Variants in FAM118A observed in about 807,000 individuals in gnomAD.
FAM118A encodes SIR2 antiphage like 2.
In FAM118A, 25 loss-of-function variants were observed where a neutral mutation model predicts 38.2. That is an observed-to-expected ratio of 0.65 (90% CI 0.48 to 0.91). FAM118A has a LOEUF of 0.91. Ranked by LOEUF, FAM118A falls within the 40% of genes least tolerant of loss-of-function variation. FAM118A has a pLI of 0.00. For missense variants in FAM118A, 425 were observed against 463.3 expected, an observed-to-expected ratio of 0.92 and a Z score of 0.76; for synonymous variants, 178 against 184.1, an observed-to-expected ratio of 0.97 and a Z score of 0.27.
intron 1 of FAM118A, among the ~76,000 whole-genome samples, chr22:45,318,090 G>A (rs960985833): frequency 6.6e-6 from 1 of 152,172 alleles, no homozygotes; most frequent in Non-Finnish European, 1.5e-5. Flanking sequence ...ATTGAACTCC[G>A]TTTGATGAAC....
At chr22:45,330,847 G>C (rs1018713050) in intron 5 of FAM118A, 116 bp downstream of exon 5, 24 of 1,199,892 alleles carry the variant, frequency 2.0e-5, no homozygotes, top group Non-Finnish European at 2.6e-5. Flanking sequence ...CCTTCAGGTC[G>C]GCCCTGCACA....
At chr22:45,331,257 G>C (rs1402960175) in intron 5 of FAM118A, among the ~76,000 whole-genome samples, 2 of 152,306 alleles carry the variant, frequency 1.3e-5, no homozygotes, top group East Asian at 3.9e-4. Context: ...CCAGGAGGGA[G>C]AGGCTATGGT....
At chr22:45,312,189 G>T (rs1265891402) in intron 1 of FAM118A, among the ~76,000 whole-genome samples, 1 of 152,202 alleles carries the variant, frequency 6.6e-6, no homozygotes, top group Non-Finnish European at 1.5e-5. Flanking sequence ...AGTCATTTGT[G>T]CAAGAGACAC....
At chr22:45,309,877 G>C (rs1268632515), upstream of FAM118A, 1 of 152,192 alleles carries the variant, frequency 6.6e-6, no homozygotes, top group East Asian at 1.9e-4. Flanking sequence ...CCGCGGGGCC[G>C]TTGGTTTCGG....
chr22:45,339,271 C>G (rs2086314534), intron 8 of FAM118A, among the ~76,000 whole-genome samples: 1 of 152,130 alleles, frequency 6.6e-6, no homozygotes, highest in African/African-American at 2.4e-5. Context: ...TGGCGGGCGC[C>G]TACTGTAGTC....
intron 1 of FAM118A, among the ~76,000 whole-genome samples, chr22:45,314,746 T>C (rs1471116799): frequency 6.6e-6 from 1 of 152,224 alleles, no homozygotes; most frequent in Admixed American, 6.5e-5. Flanking sequence ...GTTTTAACAT[T>C]GGCTTGTTAA....
In FAM118A at chr22:45,309,999, C is replaced by T. The variant is rs932928684; in HGVS notation, c.-194C>T. 1 of 152,258 alleles carries T rather than the reference C, an allele frequency of 6.6e-6. No individual in the cohort carries two copies. The highest frequency in any genetic ancestry group is 1.5e-5 in the Non-Finnish European group (1 of 68,080). 9.4% of individuals were successfully genotyped at this position (152,258 alleles called of 1,614,324 possible). A position where few individuals can be genotyped will look rare whatever the true frequency, so the allele number is the denominator to read the frequency against. ...AGGCGGCGTGGCGTCCGCTCTGGCT[C>T]CGACTCCGGCTCTCGCTCTCGCTTC... On this transcript the variant is annotated 5_prime_UTR_variant, in exon 1 of 9. Coordinates refer to ENST00000441876, the MANE Select transcript of FAM118A (RefSeq NM_017911.4).
chr22:45,336,274 C>G (rs553806375), intron 7 of FAM118A, 54 bp from the exon 8 acceptor site: 2 of 1,455,838 alleles, frequency 1.4e-6, no homozygotes, highest in African/African-American at 2.8e-5. Flanking sequence ...TGAACTGTGC[C>G]TTGGCGAGTG....
At position 45,340,824 on chromosome 22, in the gene FAM118A, C is replaced by CA. The variant is rs2086424660; in HGVS notation, c.*420dup. ...AAATAGACACTTTTTTTTTTTGAGT[C>CA]AGAGTCTCACTCTGTCACCCAGGAC... is the stretch of plus-strand genomic sequence containing the variant. On this transcript the variant is annotated 3_prime_UTR_variant, in exon 9 of 9. Coordinates refer to ENST00000441876, the MANE Select transcript of FAM118A (RefSeq NM_017911.4). 1 of 192,542 alleles carries CA rather than the reference C, an allele frequency of 5.2e-6. No homozygotes were observed. The highest frequency in any genetic ancestry group is 1.1e-5 in the Non-Finnish European group (1 of 93,470). The allele number at this position is 192,542 out of a possible 1,614,324, so 11.9% of individuals were successfully genotyped here.
intron 3 of FAM118A, among the ~76,000 whole-genome samples, chr22:45,325,299 G>A (rs1225976472): frequency 1.3e-5 from 2 of 152,188 alleles, no homozygotes; most frequent in Admixed American, 6.5e-5. Context: ...ATCAGGAAGC[G>A]TTGAGGTGAG....
intron 4 of FAM118A, chr22:45,329,049 T>C (rs2085517070): frequency 6.5e-6 from 1 of 153,866 alleles, no homozygotes; most frequent in Admixed American, 6.4e-5. Flanking sequence ...CACGAAGCCA[T>C]GAGGGATGAT....
intron 7 of FAM118A, 83 bp from the exon 8 acceptor site, chr22:45,336,245 C>A: frequency 1.8e-6 from 2 of 1,095,064 alleles, no homozygotes; most frequent in Non-Finnish European, 2.7e-6. Flanking sequence ...TTGGCCAGTG[C>A]TTCAGTAAGG....
intron 6 of FAM118A, among the ~76,000 whole-genome samples, chr22:45,333,620 G>C (rs1408313693): frequency 1.4e-5 from 2 of 147,638 alleles, no homozygotes; most frequent in African/African-American, 2.6e-5. Context: ...CTTGCAGTGA[G>C]CCAAGATCGC....
chr22:45,327,253 G>GAA (rs1428829577), intron 3 of FAM118A, among the ~76,000 whole-genome samples: 1 of 151,434 alleles, frequency 6.6e-6, no homozygotes, highest in Non-Finnish European at 1.5e-5. Context: ...AAAAGAAAAA[G>GAA]AAAAAAGAAA....
At chr22:45,321,933 G>A (rs960011023) in intron 1 of FAM118A, 2 of 305,850 alleles carry the variant, frequency 6.5e-6, no homozygotes, top group Non-Finnish European at 1.3e-5. Flanking sequence ...TAGAGCACTC[G>A]TTGGCTTCCT....
intron 8 of FAM118A, chr22:45,337,851 A>T: frequency 6.1e-6 from 6 of 985,146 alleles, no homozygotes; most frequent in Non-Finnish European, 7.2e-6. Context: ...TGCCATCCTC[A>T]TGCTCGCGGG....
At chr22:45,328,505 G>T in intron 4 of FAM118A, 1 of 787,582 alleles carries the variant, frequency 1.3e-6, no homozygotes, top group Non-Finnish European at 2.3e-6. Flanking sequence ...GGTGGCGCCT[G>T]CCTGCAGTCC....
At chr22:45,336,229 G>T in intron 7 of FAM118A, 99 bp from the exon 8 acceptor site, 2 of 829,684 alleles carry the variant, frequency 2.4e-6, no homozygotes, top group South Asian at 3.4e-5. Flanking sequence ...GGATGGCAGG[G>T]TCTGCTTGGC....
chr22:45,325,177 C>T (rs1201010925), intron 3 of FAM118A, among the ~76,000 whole-genome samples: 3 of 152,168 alleles, frequency 2.0e-5, no homozygotes, highest in Non-Finnish European at 4.4e-5. Flanking sequence ...CCTTGTTGTC[C>T]TTCAGGTGAA....
Sources: gnomAD v4.1 joint callset for allele counts (sites outside exome capture counted in the v4.1 genomes callset) on GRCh38, gnomAD v4.1.1 for gene constraint, MANE v1.5 for transcripts, NCBI Gene and HGNC (gene_info 2026-07-23, HGNC 2026-07-21) for gene names.